Variants in CES4A observed in about 807,000 individuals in gnomAD.
The protein encoded by CES4A is carboxylesterase 4A.
A neutral mutation model predicts 65.4 loss-of-function variants in CES4A; 48 were observed. That is an observed-to-expected ratio of 0.73 (90% CI 0.58 to 0.93). CES4A has a LOEUF of 0.93. Ranked by LOEUF, CES4A falls within the 40% of genes least tolerant of loss-of-function variation. The pLI is 0.00. For synonymous variants in CES4A, 247 were observed against 281.8 expected (o/e 0.88, Z 1.24); for missense variants, 685 against 728.5 (o/e 0.94, Z 0.69).
At chr16:67,009,236 C>T in exon 14 of CES4A, 1 of 1,260,088 alleles carries the variant, frequency 7.9e-7, no homozygotes, top group Non-Finnish European at 1.1e-6. Context: ...GACAAGAGTT[C>T]TACCCACCCC....
Position 67,003,470 on chromosome 16 carries a change from C to A in CES4A, c.901-45C>A, listed in dbSNP as rs778878063. The A allele has an allele frequency of 3.7e-6, 6 of 1,600,742 alleles. No individual in the cohort carries two copies. The highest frequency in any genetic ancestry group is 5.1e-6 in the Non-Finnish European group (6 of 1,168,016). On this transcript the variant is annotated intron_variant, in intron 7 of 13. Transcript: ENST00000648724. This position sits in a 1 kb window ranked among gnomAD's most constrained non-coding sequence, Gnocchi z 4.2. ...CCAGGGACCCTGTCTCAAGAGCACA[C>A]GAGGGAGACTTCCTTTAACTCTGAT...
chr16:67,002,299 A>C (rs943160590), intron 5 of CES4A, among the ~76,000 whole-genome samples: 1 of 152,166 alleles, frequency 6.6e-6, no homozygotes, highest in African/African-American at 2.4e-5. Context: ...GATTGTAAGC[A>C]GCAAAGTGAC....
chr16:66,991,310 C>T (rs1312844660), intron 1 of CES4A, among the ~76,000 whole-genome samples: 1 of 152,208 alleles, frequency 6.6e-6, no homozygotes, highest in Non-Finnish European at 1.5e-5. Context: ...CAGGCGTGAG[C>T]CACCACACCA....
At chr16:66,993,121 T>C (rs920714400) in intron 1 of CES4A, among the ~76,000 whole-genome samples, 4 of 151,980 alleles carry the variant, frequency 2.6e-5, no homozygotes, top group Non-Finnish European at 5.9e-5. Flanking sequence ...AAGAAAAGAG[T>C]ATCCACGGGA....
chr16:67,006,307 T>C, intron 11 of CES4A, 84 bp from the exon 12 acceptor site: 2 of 1,446,018 alleles, frequency 1.4e-6, no homozygotes, highest in Non-Finnish European at 1.9e-6. Context: ...TCCTGCTTGG[T>C]GCAGGTGAGT....
chr16:67,004,089 C>T, exon 9 of CES4A: 1 of 1,613,976 alleles, frequency 6.2e-7, no homozygotes, highest in Non-Finnish European at 8.5e-7. Flanking sequence ...TGTAGATTAT[C>T]TGGTCCATGA....
At chr16:66,995,652 A>T in exon 2 of CES4A, 1 of 1,614,186 alleles carries the variant, frequency 6.2e-7, no homozygotes, top group South Asian at 1.1e-5. Flanking sequence ...AAGAGGCCTC[A>T]AGTGGTCACC....
intron 1 of CES4A, among the ~76,000 whole-genome samples, chr16:66,991,167 G>T (rs1203751871): frequency 6.6e-6 from 1 of 152,106 alleles, no homozygotes; most frequent in East Asian, 1.9e-4. Flanking sequence ...TGGGATTACA[G>T]GCACGCACCA....
At chr16:66,989,424 G>T (rs1964195424) in intron 1 of CES4A, among the ~76,000 whole-genome samples, 1 of 151,772 alleles carries the variant, frequency 6.6e-6, no homozygotes, top group African/African-American at 2.4e-5. Context: ...GTTAGGCATG[G>T]TAGCTCATGC....
At chr16:67,002,188 G>T (rs1033809590) in intron 5 of CES4A, among the ~76,000 whole-genome samples, 1 of 151,828 alleles carries the variant, frequency 6.6e-6, no homozygotes, top group South Asian at 2.1e-4. Context: ...TTTTTGAGAC[G>T]GAGTTTCGCT....
chr16:66,997,027 TGCACTCCA>T (rs2145604505), intron 2 of CES4A, among the ~76,000 whole-genome samples: 1 of 149,614 alleles, frequency 6.7e-6, no homozygotes, highest in East Asian at 2.0e-4. Flanking sequence ...CACCACTGAC[TGCACTCCA>T]GCCTGAGCCA....
In CES4A at chr16:67,001,127, G is replaced by T; in HGVS notation, c.536+137G>T. ...CGGGGGCGGGGCCTGGCGCTCGGTG[G>T]AAGGGGCGGGCGCTCCATACCATCT... is the stretch of plus-strand genomic sequence containing the variant. On this transcript the variant is annotated intron_variant, in intron 4 of 13. Coordinates refer to ENST00000648724, the Ensembl canonical transcript of CES4A. This position sits in a 1 kb window ranked among gnomAD's most constrained non-coding sequence, Gnocchi z 4.1. The T allele has an allele frequency of 1.5e-6, 2 of 1,370,722 alleles. No homozygotes were observed. Among genetic ancestry groups the T allele is most frequent in the Non-Finnish European group, 1.9e-6 (2 of 1,025,792 alleles). The allele number at this position is 1,370,722 out of a possible 1,614,324, so 84.9% of individuals were successfully genotyped here. A position where few individuals can be genotyped will look rare whatever the true frequency, so the allele number is the denominator to read the frequency against.
chr16:67,006,854 T>G lies in CES4A; in HGVS notation c.1517+37T>G, dbSNP rs372898020. 2.5e-6 allele frequency: 4 copies of G among 1,589,792 alleles called. No individual in the cohort carries two copies. The African/African-American group carries it at 5.4e-5, about 21-fold the overall frequency. ...CCCCAGCACATCTGGGCATTCTACCTGCCCAGTGCTGGACCTGAAGAAGCC... is the reference window on the plus strand; with the variant it reads ...CCCCAGCACATCTGGGCATTCTACCGGCCCAGTGCTGGACCTGAAGAAGCC... On this transcript the variant is annotated intron_variant, in intron 13 of 13. Coordinates refer to ENST00000648724, the Ensembl canonical transcript of CES4A.
chr16:67,006,946 CCTT>C (rs983035579), intron 13 of CES4A, 129 bp downstream of exon 13: 20 of 750,328 alleles, frequency 2.7e-5, no homozygotes, highest in African/African-American at 1.2e-4. Context: ...ACAGGGTGCC[CCTT>C]CTTCTTCAGC....
At chr16:66,995,692 G>A (rs1276673768) in exon 2 of CES4A, 2 of 1,614,238 alleles carry the variant, frequency 1.2e-6, no homozygotes, top group East Asian at 2.2e-5. Flanking sequence ...GAAAACAGAT[G>A]CATGTGGGGA....
rs1965808480 is a variant in CES4A at position 67,006,909 on chromosome 16, C to T, written c.1517+92C>T. 41 of 1,242,222 alleles carry T rather than the reference C, an allele frequency of 3.3e-5. No individual in the cohort carries two copies. The South Asian group carries it at 4.6e-4, about 14-fold the overall frequency. 76.9% of individuals were successfully genotyped at this position (1,242,222 alleles called of 1,614,324 possible). ...GCTTCGGATATTTGCCCCAGCATGT[C>T]CTACAGGAACTGCCCAGTCGGCCCA... On this transcript the variant is annotated intron_variant, in intron 13 of 13. Transcript: ENST00000648724.
chr16:67,009,450 T>C, exon 14 of CES4A: 2 of 253,836 alleles, frequency 7.9e-6, no homozygotes, highest in Non-Finnish European at 1.5e-5. Flanking sequence ...TTTTCCCTTC[T>C]TCAAATCCTC....
In CES4A at chr16:67,001,137, G is replaced by A; in HGVS notation, c.536+147G>A. The A allele has an allele frequency of 1.5e-6, 2 of 1,374,616 alleles. No individual in the cohort carries two copies. The highest frequency in any genetic ancestry group is 1.9e-6 in the Non-Finnish European group (2 of 1,028,544). The allele number at this position is 1,374,616 out of a possible 1,614,324, so 85.2% of individuals were successfully genotyped here. Reference sequence around the variant, plus strand: ...GCCTGGCGCTCGGTGGAAGGGGCGGGCGCTCCATACCATCTGGATGGGGCG... The same window carrying A: ...GCCTGGCGCTCGGTGGAAGGGGCGGACGCTCCATACCATCTGGATGGGGCG... On this transcript the variant is annotated intron_variant, in intron 4 of 13. Coordinates refer to ENST00000648724, the Ensembl canonical transcript of CES4A. This position sits in a 1 kb window ranked among gnomAD's most constrained non-coding sequence, Gnocchi z 4.1.
intron 1 of CES4A, among the ~76,000 whole-genome samples, chr16:66,994,252 T>A (rs542151209): frequency 6.7e-5 from 7 of 104,078 alleles, no homozygotes; most frequent in East Asian, 2.2e-4. Flanking sequence ...TTATTTATTT[T>A]TTGAGATGGA....
Sources: allele counts gnomAD v4.1 joint callset (sites outside exome capture counted in the v4.1 genomes callset), GRCh38; gene constraint gnomAD v4.1.1; non-coding constraint Gnocchi (gnomAD v3.1); transcripts MANE v1.5; gene names NCBI Gene and HGNC (gene_info 2026-07-23, HGNC 2026-07-21).